Variants in COL6A6 observed in about 807,000 individuals in gnomAD.
COL6A6 encodes collagen alpha-6(VI) chain.
COL6A6 carries 183 observed loss-of-function variants against 208.6 expected under a neutral mutation model. That is an observed-to-expected ratio of 0.88 (90% CI 0.78 to 0.99). COL6A6 has a LOEUF of 0.99. Among genes scored for constraint, COL6A6 ranks in the 50% least tolerant of loss-of-function variants. COL6A6 has a pLI of 0.00. For synonymous variants in COL6A6, 973 were observed against 1,011.8 expected (o/e 0.96, Z 0.73); for missense variants, 2,816 against 2,815.2 (o/e 1.00, Z -0.01).
At position 130,581,830 on chromosome 3, in the gene COL6A6, C is replaced by T. The variant is rs1488933623; in HGVS notation, c.3817C>T (p.Pro1273Ser). The part of the protein sequence containing the change: ...NSLKDITVKG[P>S]SLLNANLLDS... ...CTTGAAGGATATAACAGTTAAAGGA[C>T]CATCTCTTCTCAATGCAAACCTCTT... is the stretch of plus-strand genomic sequence containing the variant. Residue 1273 changes from proline (P) to serine (S), a missense_variant, in exon 9 of 37, where the codon CCA (proline) becomes TCA (serine). By Grantham distance (74) the Pro-to-Ser change is moderately conservative. Transcript: ENST00000358511. 7.4e-6 allele frequency: 12 copies of T among 1,613,224 alleles called. No individual in the cohort carries two copies. Among genetic ancestry groups the T allele is most frequent in the Non-Finnish European group, 1.0e-5 (12 of 1,179,328 alleles).
Position 130,568,185 on chromosome 3 carries a change from T to A in COL6A6, c.1982T>A (p.Ile661Asn). The change falls in exon 6 of 37, where the codon ATT (isoleucine) becomes AAT (asparagine). Residue 661 changes from isoleucine (I) to asparagine (N), a missense_variant. Ile to Asn is a moderately radical substitution (Grantham distance 149). Transcript: ENST00000358511. The stretch of plus-strand genomic sequence containing the variant: ...CAGATTGGACCAGATCGGGTGCAAA[T>A]TGGTGTAGTCCAGTTCAGCGACATC... Reference protein sequence around the residue: ...KSQIGPDRVQIGVVQFSDINK... With the variant: ...KSQIGPDRVQNGVVQFSDINK... 2 of 1,613,952 alleles carry A rather than the reference T, an allele frequency of 1.2e-6. No individual in the cohort carries two copies. The highest frequency in any genetic ancestry group is 2.2e-5 in the South Asian group (2 of 91,070).
intron 23 of COL6A6, among the ~76,000 whole-genome samples, chr3:130,617,950 C>T (rs1405212107): frequency 6.6e-6 from 1 of 152,178 alleles, no homozygotes; most frequent in Non-Finnish European, 1.5e-5. Flanking sequence ...AACCTCTAAA[C>T]ACTTCTTTCC....
chr3:130,530,963 C>G (rs1207784747), intron 1 of COL6A6, among the ~76,000 whole-genome samples: 1 of 151,596 alleles, frequency 6.6e-6, no homozygotes, highest in South Asian at 2.1e-4. Flanking sequence ...CTCATAATTA[C>G]GTGAACCAAT....
rs577740413 is a variant in COL6A6, at chr3:130,575,118, A to G, written c.3547+593A>G. ...TTGGTTATGATTCTATATAACTACC[A>G]AAGGTAAACATTAATCCCAGATTTC... is the stretch of plus-strand genomic sequence containing the variant. On this transcript the variant is annotated intron_variant, in intron 8 of 36. Transcript: ENST00000358511. 2.6e-5 allele frequency among the ~76,000 whole-genome samples: 4 copies of G among 152,338 alleles called. No individual in the cohort carries two copies. In the East Asian group the frequency reaches 7.7e-4, roughly 29 times the overall value.
intron 36 of COL6A6, among the ~76,000 whole-genome samples, chr3:130,666,643 G>A (rs2066081311): frequency 6.6e-6 from 1 of 152,136 alleles, no homozygotes; most frequent in Non-Finnish European, 1.5e-5. Flanking sequence ...AAATGTGTCT[G>A]AAGAGAAACA....
chr3:130,576,339 A>G (rs2063296407), intron 8 of COL6A6, among the ~76,000 whole-genome samples: 1 of 152,132 alleles, frequency 6.6e-6, no homozygotes, highest in Non-Finnish European at 1.5e-5. Flanking sequence ...AGCTCTCTCC[A>G]AACACTTTTC....
intron 17 of COL6A6, among the ~76,000 whole-genome samples, chr3:130,594,056 G>T (rs1421061638): frequency 6.6e-6 from 1 of 152,190 alleles, no homozygotes; most frequent in African/African-American, 2.4e-5. Flanking sequence ...TGACAAGTGT[G>T]TCTGGAACAC....
rs2066351731 is a variant in COL6A6 at position 130,676,072 on chromosome 3, G to A, written c.*675G>A. On this transcript the variant is annotated 3_prime_UTR_variant, in exon 37 of 37. Coordinates refer to ENST00000358511, the MANE Select transcript of COL6A6 (RefSeq NM_001102608.3). ...TCATTAGGAAGCTTACTGCCATTTT[G>A]ATGGAGCTTGAAGCCCCCATTTTGA... 2 of 152,214 alleles carry A rather than the reference G, an allele frequency of 1.3e-5. No homozygotes were observed. The highest frequency in any genetic ancestry group is 4.8e-5 in the African/African-American group (2 of 41,452). The allele number at this position is 152,214 out of a possible 1,614,324, so 9.4% of individuals were successfully genotyped here. A position where few individuals can be genotyped will look rare whatever the true frequency, so the allele number is the denominator to read the frequency against.
chr3:130,574,143 A>T lies in COL6A6; in HGVS notation c.3165A>T (p.Gly1055=). 4 of 1,614,012 alleles carry T rather than the reference A, an allele frequency of 2.5e-6. No individual in the cohort carries two copies. The highest frequency in any genetic ancestry group is 3.4e-6 in the Non-Finnish European group (4 of 1,179,886). Residue 1055 remains glycine, a synonymous_variant, in exon 8 of 37, where the codon GGA becomes GGT. Transcript: ENST00000358511. The part of the protein sequence containing the change: ...SDTYHPEFPL[G]TFIGEKEISF... Reference sequence around the variant, plus strand: ...CCTATCACCCGGAGTTTCCACTGGGAACTTTCATAGGTGAAAAAGAGATAT... The same window carrying T: ...CCTATCACCCGGAGTTTCCACTGGGTACTTTCATAGGTGAAAAAGAGATAT...
At chr3:130,521,969 A>T (rs1321488216) in intron 1 of COL6A6, among the ~76,000 whole-genome samples, 1 of 152,172 alleles carries the variant, frequency 6.6e-6, no homozygotes. Flanking sequence ...CTCCTTTACC[A>T]GGAGTTACCT....
chr3:130,563,020 T>C, intron 2 of COL6A6, 48 bp from the exon 3 acceptor site: 1 of 1,409,808 alleles, frequency 7.1e-7, no homozygotes, highest in Middle Eastern at 1.8e-4. Context: ...AATATGGCAG[T>C]AAATTTTTTA....
In COL6A6 at chr3:130,571,088, C is replaced by T. The variant is rs759293430; in HGVS notation, c.2672C>T (p.Ala891Val). The change falls in exon 7 of 37, where the codon GCA (alanine) becomes GTA (valine). Residue 891 changes from alanine (A) to valine (V), a missense_variant. By Grantham distance (64) the Ala-to-Val change is moderately conservative. Coordinates refer to ENST00000358511, the MANE Select transcript of COL6A6 (RefSeq NM_001102608.3). The stretch of plus-strand genomic sequence containing the variant: ...GGTGGCAGTACTTATACTGCTGAGG[C>T]ACTGGGCTTCTCAGACCACATGTTC... Reference protein sequence around the residue: ...AMGGSTYTAEALGFSDHMFTE... With the variant: ...AMGGSTYTAEVLGFSDHMFTE... 6.2e-7 allele frequency: 1 copy of T among 1,613,864 alleles called. No individual in the cohort carries two copies. Among genetic ancestry groups the T allele is most frequent in the South Asian group, 1.1e-5 (1 of 91,042 alleles).
In COL6A6 at chr3:130,565,340, C is replaced by T. The variant is rs200753152; in HGVS notation, c.1008C>T (p.Ala336=). 7.3e-5 allele frequency: 117 copies of T among 1,604,364 alleles called. 1 individual carries two copies. The East Asian group carries it at 2.2e-3, about 30-fold the overall frequency. ...SRKNQGVPQI[A]VLVTHRDSED... The stretch of plus-strand genomic sequence containing the variant: ...AGAATCAGGGGGTGCCCCAGATTGC[C>T]GTGCTGGTGACCCACCGAGATTCAG... The change falls in exon 4 of 37, where the codon GCC becomes GCT. Residue 336 remains alanine, a synonymous_variant. Transcript: ENST00000358511.
At chr3:130,592,443 A>G in intron 13 of COL6A6, 98 bp from the exon 14 acceptor site, 1 of 856,754 alleles carries the variant, frequency 1.2e-6, no homozygotes, top group Non-Finnish European at 1.9e-6. Context: ...AACCATGAGC[A>G]TTCACACTTT....
intron 21 of COL6A6, 139 bp from the exon 22 acceptor site, chr3:130,608,763 C>CCTTTT: frequency 3.6e-5 from 11 of 308,646 alleles, no homozygotes; most frequent in South Asian, 2.9e-4. Context: ...TATTTTTCAC[C>CCTTTT]TTTTTTTTTT....
Position 130,574,669 on chromosome 3 carries a change from A to G in COL6A6, c.3547+144A>G, listed in dbSNP as rs932896283. ...TCAAATTGAGCTTTTCACAGTTATT[A>G]AATATTTGTCTTGACCTGTGGATTG... is the stretch of plus-strand genomic sequence containing the variant. On this transcript the variant is annotated intron_variant, in intron 8 of 36. Coordinates refer to ENST00000358511, the MANE Select transcript of COL6A6 (RefSeq NM_001102608.3). The G allele has an allele frequency of 1.3e-4, 92 of 693,016 alleles. No homozygotes were observed. The Middle Eastern group carries it at 2.0e-3, about 15-fold the overall frequency. 42.9% of individuals were successfully genotyped at this position (693,016 alleles called of 1,614,324 possible).
intron 29 of COL6A6, among the ~76,000 whole-genome samples, chr3:130,642,301 G>A (rs1333319738): frequency 2.0e-5 from 3 of 147,596 alleles, no homozygotes; most frequent in African/African-American, 7.9e-5. Flanking sequence ...TTTGTTTTGG[G>A]AAGGTAGTTG....
chr3:130,646,594 G>A (rs1461574556), intron 32 of COL6A6, among the ~76,000 whole-genome samples: 6 of 152,146 alleles, frequency 3.9e-5, no homozygotes, highest in African/African-American at 9.7e-5. Flanking sequence ...AACCAAAGGA[G>A]CCATCTTTCA....
Position 130,610,560 on chromosome 3 carries a change from C to T in COL6A6, c.4753-89C>T, listed in dbSNP as rs990746812. 6 of 969,036 alleles carry T rather than the reference C, an allele frequency of 6.2e-6. No individual in the cohort carries two copies. The South Asian group carries it at 7.5e-5, about 12-fold the overall frequency. 60.0% of individuals were successfully genotyped at this position (969,036 alleles called of 1,614,324 possible). On this transcript the variant is annotated intron_variant, in intron 22 of 36. Coordinates refer to ENST00000358511, the MANE Select transcript of COL6A6 (RefSeq NM_001102608.3). ...CTCTTTCCCATTTCTGTCCATGTTA[C>T]TGACTTAGTATTTCTACTTGTAATA...
Sources: gnomAD v4.1 joint callset for allele counts (sites outside exome capture counted in the v4.1 genomes callset) on GRCh38, gnomAD v4.1.1 for gene constraint, MANE v1.5 for transcripts, NCBI Gene and HGNC (gene_info 2026-07-23, HGNC 2026-07-21) for gene names.